Variants in COL6A6 observed in about 807,000 individuals in gnomAD.
The protein encoded by COL6A6 is collagen type VI alpha 6 chain.
COL6A6 carries 183 observed loss-of-function variants against 208.6 expected under a neutral mutation model. The observed-to-expected ratio is 0.88, with a 90% CI of 0.78 to 0.99. The LOEUF (loss-of-function observed/expected upper bound fraction) is 0.99. COL6A6 is among the 50% of genes least tolerant of loss of function. The pLI, the probability that COL6A6 is intolerant of heterozygous loss-of-function variation, is 0.00. For synonymous variants in COL6A6, 973 were observed against 1,011.8 expected, an observed-to-expected ratio of 0.96 and a Z score of 0.73; for missense variants, 2,816 against 2,815.2, an observed-to-expected ratio of 1.00 and a Z score of -0.01.
At chr3:130,667,915 G>A (rs2108482349) in intron 36 of COL6A6, among the ~76,000 whole-genome samples, 1 of 150,712 alleles carries the variant, frequency 6.6e-6, no homozygotes, top group African/African-American at 2.4e-5. Context: ...AAATTTTAAG[G>A]GCACACATGA....
At chr3:130,596,606 C>T (rs2063857590) in intron 18 of COL6A6, among the ~76,000 whole-genome samples, 1 of 152,066 alleles carries the variant, frequency 6.6e-6, no homozygotes, top group Non-Finnish European at 1.5e-5. Flanking sequence ...ATTTTTGAAA[C>T]CCTAAGTTTA....
chr3:130,565,264 C>T lies in COL6A6; in HGVS notation c.932C>T (p.Ala311Val). 1 of 1,613,970 alleles carries T rather than the reference C, an allele frequency of 6.2e-7. No individual in the cohort carries two copies. Among genetic ancestry groups the T allele is most frequent in the South Asian group, 1.1e-5 (1 of 91,082 alleles). Residue 311 changes from alanine (A) to valine (V), a missense_variant, in exon 4 of 37, where the codon GCC becomes GTC. Physicochemically the swap from Ala to Val is moderately conservative, Grantham distance 64. Coordinates refer to ENST00000358511, the MANE Select transcript of COL6A6 (RefSeq NM_001102608.3). ...PRTGKAYTGA[A>V]IKKLRKEVFS... is the part of the protein sequence containing the mutation. ...ACTGGGAAGGCCTATACTGGAGCTG[C>T]CATCAAAAAGCTCAGGAAGGAAGTT...
chr3:130,650,015 C>A (rs1373533044), intron 33 of COL6A6, among the ~76,000 whole-genome samples: 1 of 152,138 alleles, frequency 6.6e-6, no homozygotes, highest in Non-Finnish European at 1.5e-5. Flanking sequence ...GTGATGAGAG[C>A]CAATTTGCTG....
intron 7 of COL6A6, among the ~76,000 whole-genome samples, chr3:130,572,994 G>T (rs1356760738): frequency 4.6e-5 from 7 of 152,118 alleles, no homozygotes; most frequent in Non-Finnish European, 8.8e-5. Flanking sequence ...TTTTATATTT[G>T]CTGTGTTAAT....
chr3:130,529,752 G>C (rs1020066241), intron 1 of COL6A6, among the ~76,000 whole-genome samples: 1 of 152,196 alleles, frequency 6.6e-6, no homozygotes, highest in Admixed American at 6.5e-5. Context: ...CTCTATTAAA[G>C]CCAGATCTCT....
intron 18 of COL6A6, among the ~76,000 whole-genome samples, chr3:130,596,609 T>G (rs1266481356): frequency 6.6e-6 from 1 of 152,228 alleles, no homozygotes; most frequent in East Asian, 1.9e-4. Context: ...TTTGAAACCC[T>G]AAGTTTATTC....
chr3:130,578,976 A>G (rs1328236246), intron 8 of COL6A6, among the ~76,000 whole-genome samples: 1 of 152,180 alleles, frequency 6.6e-6, no homozygotes, highest in Non-Finnish European at 1.5e-5. Context: ...CAAATCTGGG[A>G]GGTATATAAA....
intron 24 of COL6A6, among the ~76,000 whole-genome samples, chr3:130,624,053 A>G (rs1361262591): frequency 2.0e-5 from 3 of 152,168 alleles, no homozygotes; most frequent in Admixed American, 1.3e-4. Context: ...ACTGCAAAGG[A>G]CCGAGAAATG....
chr3:130,634,242 T>TAAAAAAAAAAAAAAA (rs202193097), intron 26 of COL6A6, among the ~76,000 whole-genome samples: 6 of 23,792 alleles, frequency 2.5e-4, no homozygotes, highest in Non-Finnish European at 3.5e-4. Flanking sequence ...AATAAATAAA[T>TAAAAAAAAAAAAAAA]AAAAAAAAAA....
At position 130,582,926 on chromosome 3, in the gene COL6A6, T is replaced by G. The variant is rs187938259; in HGVS notation, c.3970+858T>G. Among the ~76,000 whole-genome samples, 216 of 152,250 alleles carry G rather than the reference T, an allele frequency of 1.4e-3. 2 individuals are homozygous for G. Among genetic ancestry groups the G allele is most frequent in the Non-Finnish European group, 1.2e-4 (8 of 68,012 alleles). On this transcript the variant is annotated intron_variant, in intron 10 of 36. Transcript: ENST00000358511. ...AATGACACCAGTGGTGTGCTGCAAT[T>G]TATGCTCCAGAGCTTCCTGGGATCA... is the stretch of plus-strand genomic sequence containing the variant.
chr3:130,622,795 T>C (rs1043630108), intron 24 of COL6A6, among the ~76,000 whole-genome samples: 1 of 152,014 alleles, frequency 6.6e-6, no homozygotes, highest in Non-Finnish European at 1.5e-5. Context: ...AGGCAGAGTT[T>C]GCAGTGAGCT....
Position 130,568,280 on chromosome 3 carries a change from G to T in COL6A6, c.2077G>T (p.Ala693Ser). ...CATTTCAAATGCAATAGACCAAATG[G>T]CTCACATTGGACAAACCACCCTGAC... ...SDISNAIDQM[A>S]HIGQTTLTGS... The change falls in exon 6 of 37, where the codon GCT (alanine) becomes TCT (serine). Residue 693 changes from alanine (A) to serine (S), a missense_variant. Physicochemically the swap from Ala to Ser is moderately conservative, Grantham distance 99. Coordinates refer to ENST00000358511, the MANE Select transcript of COL6A6 (RefSeq NM_001102608.3). The T allele has an allele frequency of 6.2e-7, 1 of 1,613,952 alleles. No individual in the cohort carries two copies. The highest frequency in any genetic ancestry group is 8.5e-7 in the Non-Finnish European group (1 of 1,179,882).
chr3:130,597,929 A>C (rs553108565), intron 18 of COL6A6, among the ~76,000 whole-genome samples: 2 of 152,326 alleles, frequency 1.3e-5, no homozygotes, highest in African/African-American at 4.8e-5. Flanking sequence ...GGAACCCATT[A>C]CAAATTTTGT....
At chr3:130,646,965 C>G (rs1252678328) in intron 32 of COL6A6, among the ~76,000 whole-genome samples, 1 of 152,124 alleles carries the variant, frequency 6.6e-6, no homozygotes, top group African/African-American at 2.4e-5. Context: ...CTGTAGTATT[C>G]AGGCAAATAT....
Position 130,567,254 on chromosome 3 carries a change from CT to C in COL6A6, c.1836del (p.Glu613LysfsTer7), listed in dbSNP as rs762928767. 48 of 1,605,082 alleles carry C rather than the reference CT, an allele frequency of 3.0e-5. No homozygotes were observed. Among genetic ancestry groups the C allele is most frequent in the Non-Finnish European group, 4.0e-5 (47 of 1,174,646 alleles). On this transcript the variant is annotated frameshift_variant, in exon 5 of 37. Coordinates refer to ENST00000358511, the MANE Select transcript of COL6A6 (RefSeq NM_001102608.3). LOFTEE classifies it high-confidence loss of function. ...IRNQVVQEIC[T>X]EEACKEMKAD... ...AACCAAGTTGTTCAAGAAATCTGTACTGAAGAAGGTAAGAGAAATCGTGGCT... is the reference window on the plus strand; with the variant it reads ...AACCAAGTTGTTCAAGAAATCTGTACGAAGAAGGTAAGAGAAATCGTGGCT...
At chr3:130,546,052 A>G (rs1179155577) in intron 1 of COL6A6, among the ~76,000 whole-genome samples, 2 of 152,034 alleles carry the variant, frequency 1.3e-5, no homozygotes, top group African/African-American at 2.4e-5. Flanking sequence ...GGAAGTTTCT[A>G]TTGAGCTAGT....
intron 28 of COL6A6, among the ~76,000 whole-genome samples, chr3:130,636,035 C>T (rs1197128075): frequency 6.6e-6 from 1 of 152,144 alleles, no homozygotes; most frequent in Non-Finnish European, 1.5e-5. Flanking sequence ...AAAAGAAATC[C>T]TTGTGATTCA....
chr3:130,627,329 G>A lies in COL6A6; in HGVS notation c.4952G>A (p.Gly1651Asp). 2 of 1,613,650 alleles carry A rather than the reference G, an allele frequency of 1.2e-6. No homozygotes were observed. The highest frequency in any genetic ancestry group is 8.5e-7 in the Non-Finnish European group (1 of 1,179,578). The change falls in exon 26 of 37, where the codon GGC becomes GAC. Residue 1651 changes from glycine to aspartate, a missense_variant. Gly to Asp is a moderately conservative substitution (Grantham distance 94). Transcript: ENST00000358511. The part of the protein sequence containing the change: ...PGPRGLQGND[G>D]SPGYGSVGRK... ...TTGCTCTGTTTACAGGGCAATGATG[G>A]CAGTCCAGGTTATGGTAGTGTCGGA... is the stretch of plus-strand genomic sequence containing the variant.
At chr3:130,635,904 G>A in intron 28 of COL6A6, 143 bp downstream of exon 28, 1 of 632,932 alleles carries the variant, frequency 1.6e-6, no homozygotes, top group Non-Finnish European at 2.8e-6. Context: ...CTTGGGGAAG[G>A]GGAATGGATA....
Sources: allele counts gnomAD v4.1 joint callset (sites outside exome capture counted in the v4.1 genomes callset), GRCh38; gene constraint gnomAD v4.1.1; transcripts MANE v1.5; gene names NCBI Gene and HGNC (gene_info 2026-07-23, HGNC 2026-07-21).